Variants in PALLD observed in about 807,000 individuals in gnomAD.
PALLD encodes palladin.
Under a neutral mutation model 123.5 loss-of-function variants are expected in PALLD, and 61 were observed. The ratio of observed to expected loss-of-function variants is 0.49; its 90% CI spans 0.40 to 0.61. The LOEUF is 0.61. Among genes scored for constraint, PALLD ranks in the 20% least tolerant of loss-of-function variants. The pLI is 0.00. For synonymous variants in PALLD, 465 were observed against 496.4 expected (o/e 0.94, Z 0.84); for missense variants, 1,273 against 1,377.0 (o/e 0.92, Z 1.20).
At chr4:168,731,966 A>AT (rs1394723317) in intron 10 of PALLD, among the ~76,000 whole-genome samples, 3 of 152,180 alleles carry the variant, frequency 2.0e-5, no homozygotes, top group African/African-American at 7.2e-5. Flanking sequence ...TAGACAGAGG[A>AT]TTTTATGAGA....
At chr4:168,803,856 T>A (rs1581553459) in intron 10 of PALLD, among the ~76,000 whole-genome samples, 1 of 152,186 alleles carries the variant, frequency 6.6e-6, no homozygotes, top group East Asian at 1.9e-4. Flanking sequence ...CAAAACGGTG[T>A]ATGAAGTGTG....
chr4:168,629,079 C>G (rs996746738), intron 2 of PALLD, among the ~76,000 whole-genome samples: 1 of 150,524 alleles, frequency 6.6e-6, no homozygotes, highest in African/African-American at 2.4e-5. Flanking sequence ...TATAATGACG[C>G]GATCTCAGCT....
At chr4:168,624,519 A>G (rs1382262847) in intron 2 of PALLD, among the ~76,000 whole-genome samples, 2 of 152,172 alleles carry the variant, frequency 1.3e-5, no homozygotes, top group Non-Finnish European at 2.9e-5. Context: ...CACTGAAGCC[A>G]TTTCCATTAA....
intron 2 of PALLD, among the ~76,000 whole-genome samples, chr4:168,540,235 C>T (rs1765487594): frequency 6.6e-6 from 1 of 152,174 alleles, no homozygotes; most frequent in Non-Finnish European, 1.5e-5. Flanking sequence ...TCATAGGCGA[C>T]TACTATCAGA....
intron 10 of PALLD, among the ~76,000 whole-genome samples, chr4:168,754,084 T>C (rs1316976026): frequency 6.6e-6 from 1 of 152,240 alleles, no homozygotes; most frequent in African/African-American, 2.4e-5. Context: ...AATAAGAATG[T>C]TATCTCCCTT....
intron 10 of PALLD, among the ~76,000 whole-genome samples, chr4:168,830,644 A>C (rs1454138793): frequency 6.6e-6 from 1 of 152,252 alleles, no homozygotes; most frequent in Non-Finnish European, 1.5e-5. Context: ...CTAACAATTT[A>C]TCTCTGGGAG....
intron 7 of PALLD, among the ~76,000 whole-genome samples, 160 bp from the exon 8 acceptor site, chr4:168,691,109 T>C (rs1252002611): frequency 6.6e-6 from 1 of 152,200 alleles, no homozygotes; most frequent in African/African-American, 2.4e-5. Flanking sequence ...TATAAACCGA[T>C]CTATCACTTT....
chr4:168,617,233 A>G (rs1468762635), intron 2 of PALLD, among the ~76,000 whole-genome samples: 1 of 152,204 alleles, frequency 6.6e-6, no homozygotes, highest in Admixed American at 6.5e-5. Context: ...TGCCTGGTTT[A>G]ATTCGTAAGT....
At chr4:168,729,880 G>A (rs184679684) in intron 10 of PALLD, among the ~76,000 whole-genome samples, 4 of 152,214 alleles carry the variant, frequency 2.6e-5, no homozygotes, top group African/African-American at 9.6e-5. Context: ...GAACGTTGAA[G>A]GAATTGCTTC....
chr4:168,757,783 A>G (rs1561488378), intron 10 of PALLD, among the ~76,000 whole-genome samples: 1 of 152,236 alleles, frequency 6.6e-6, no homozygotes, highest in African/African-American at 2.4e-5. Context: ...AAAAATTAAC[A>G]TATTTAGGCT....
chr4:168,527,446 T>TAAAAAAAAAAAAAAAAAAA (rs1764178114), intron 2 of PALLD, among the ~76,000 whole-genome samples: 2 of 66,056 alleles, frequency 3.0e-5, no homozygotes, highest in Admixed American at 1.4e-4. Context: ...AAAAAAAAAG[T>TAAAAAAAAAAAAAAAAAAA]CATGCTCATG....
intron 10 of PALLD, among the ~76,000 whole-genome samples, chr4:168,797,805 G>A (rs928898784): frequency 1.3e-5 from 2 of 152,006 alleles, no homozygotes; most frequent in African/African-American, 4.8e-5. Context: ...TGCCATATTA[G>A]CTCCCTCTTC....
At chr4:168,664,961 T>C (rs1163976518) in intron 2 of PALLD, among the ~76,000 whole-genome samples, 1 of 152,210 alleles carries the variant, frequency 6.6e-6, no homozygotes, top group Non-Finnish European at 1.5e-5. Context: ...TCATTGAGCC[T>C]TCCAGTTCAG....
intron 3 of PALLD, among the ~76,000 whole-genome samples, chr4:168,678,510 C>T (rs756192273): frequency 3.9e-5 from 6 of 152,002 alleles, no homozygotes; most frequent in African/African-American, 1.2e-4. Context: ...TGGAAGATAG[C>T]GTATCAAGAA....
At chr4:168,721,529 G>A (rs1279105203) in intron 10 of PALLD, among the ~76,000 whole-genome samples, 21 of 152,140 alleles carry the variant, frequency 1.4e-4, no homozygotes, top group Non-Finnish European at 4.4e-5. Context: ...AGTGTAACCA[G>A]TGGTTCTTTG....
chr4:168,651,644 A>T (rs1778054694), intron 2 of PALLD, among the ~76,000 whole-genome samples: 1 of 152,170 alleles, frequency 6.6e-6, no homozygotes, highest in African/African-American at 2.4e-5. Flanking sequence ...TCCCAGCAGA[A>T]TTTTAGAGCT....
chr4:168,792,252 C>T (rs533380707), intron 10 of PALLD, among the ~76,000 whole-genome samples: 1 of 152,022 alleles, frequency 6.6e-6, no homozygotes, highest in East Asian at 1.9e-4. Flanking sequence ...TGTCGCATCA[C>T]GGAGCAGAGG....
intron 17 of PALLD, among the ~76,000 whole-genome samples, chr4:168,921,145 C>T (rs1291497317): frequency 6.6e-6 from 1 of 152,092 alleles, no homozygotes; most frequent in Non-Finnish European, 1.5e-5. Flanking sequence ...ATGGCTCATG[C>T]TTGTAATCCC....
intron 10 of PALLD, among the ~76,000 whole-genome samples, chr4:168,757,371 G>A (rs568801751): frequency 1.3e-5 from 2 of 152,320 alleles, no homozygotes; most frequent in African/African-American, 4.8e-5. Flanking sequence ...GTCATTACTC[G>A]GGTTGTTGAT....
Sources: gnomAD v4.1 joint callset for allele counts (sites outside exome capture counted in the v4.1 genomes callset) on GRCh38, gnomAD v4.1.1 for gene constraint, MANE v1.5 for transcripts, NCBI Gene and HGNC (gene_info 2026-07-23, HGNC 2026-07-21) for gene names.